SEZ6L: variants seen among roughly 807,000 people sequenced by gnomAD.
SEZ6L encodes the protein seizure 6-like protein.
Under a neutral mutation model 106.2 loss-of-function variants are expected in SEZ6L, and 37 were observed. The observed-to-expected ratio is 0.35, with a 90% CI of 0.27 to 0.46. The LOEUF (loss-of-function observed/expected upper bound fraction) is 0.46, where lower values mean the gene tolerates loss of function less well. Among genes scored for constraint, SEZ6L ranks in the 20% least tolerant of loss-of-function variants. The probability of loss-of-function intolerance (pLI) is 1.00; values close to 1 mark genes in which losing one functional copy is unlikely to be tolerated. For synonymous variants in SEZ6L, 541 were observed against 570.4 expected (o/e 0.95, Z 0.73); for missense variants, 1,172 against 1,332.8 (o/e 0.88, Z 1.88).
chr22:26,173,288 A>G (rs1030935996), intron 1 of SEZ6L, among the ~76,000 whole-genome samples: 1 of 152,228 alleles, frequency 6.6e-6, no homozygotes, highest in Non-Finnish European at 1.5e-5. Context: ...AATCTCTGCG[A>G]TTGGCATGAA....
rs201193157 is a variant in SEZ6L at position 26,294,469 on chromosome 22, G to T, written c.969+44G>T. The T allele has an allele frequency of 3.5e-4, 563 of 1,591,536 alleles. 2 individuals carry two copies. The African/African-American group carries it at 5.7e-3, about 16-fold the overall frequency. On this transcript the variant is annotated intron_variant, in intron 3 of 16. Coordinates refer to ENST00000248933, the MANE Select transcript of SEZ6L (RefSeq NM_021115.5). ...CTCACAGAGGCTGCCTCGTCTAGCA[G>T]GAAGTCTCAGGAGGATTGTCTGAGT...
intron 6 of SEZ6L, among the ~76,000 whole-genome samples, chr22:26,307,660 T>C (rs2081676660): frequency 6.6e-6 from 1 of 151,660 alleles, no homozygotes; most frequent in South Asian, 2.1e-4. Context: ...ACCTGGGGAA[T>C]TCTTTAAAAA....
intron 1 of SEZ6L, chr22:26,241,191 G>A (rs2079118841): frequency 6.6e-6 from 1 of 152,250 alleles, no homozygotes; most frequent in African/African-American, 2.4e-5. Context: ...GCTAGCAAGG[G>A]ACAGCACTTA....
At position 26,238,856 on chromosome 22, in the gene SEZ6L, T is replaced by C. The variant is rs569314714; in HGVS notation, c.95-53550T>C. ...CCCTGCTGGTCACACTAGGCTGCTC[T>C]GCCTCTCGAATAACTAGAACAACAT... On this transcript the variant is annotated intron_variant, in intron 1 of 16. Coordinates refer to ENST00000248933, the MANE Select transcript of SEZ6L (RefSeq NM_021115.5). Among the ~76,000 whole-genome samples the C allele has an allele frequency of 1.1e-4, 17 of 152,338 alleles. No homozygotes were observed. The South Asian group carries it at 3.5e-3, about 32-fold the overall frequency.
intron 1 of SEZ6L, among the ~76,000 whole-genome samples, chr22:26,290,257 C>T (rs1173009279): frequency 1.3e-5 from 2 of 152,146 alleles, no homozygotes; most frequent in African/African-American, 2.4e-5. Context: ...TTGGGCCGGG[C>T]GCGGTGGCTC....
At chr22:26,304,223 G>C (rs2145908112) in intron 5 of SEZ6L, among the ~76,000 whole-genome samples, 1 of 151,950 alleles carries the variant, frequency 6.6e-6, no homozygotes, top group East Asian at 1.9e-4. Flanking sequence ...GCGGTGGTGG[G>C]CACCTGTAAT....
intron 1 of SEZ6L, among the ~76,000 whole-genome samples, chr22:26,281,827 T>C (rs1327896943): frequency 6.6e-6 from 1 of 152,188 alleles, no homozygotes; most frequent in Non-Finnish European, 1.5e-5. Context: ...AACACCATTC[T>C]ACCCTCTGCT....
At chr22:26,234,644 G>C (rs1032981009) in intron 1 of SEZ6L, among the ~76,000 whole-genome samples, 3 of 152,214 alleles carry the variant, frequency 2.0e-5, no homozygotes, top group Non-Finnish European at 4.4e-5. Context: ...CAGAAGGTGG[G>C]GAAACCCAAC....
chr22:26,232,406 A>G (rs1213194105), intron 1 of SEZ6L, among the ~76,000 whole-genome samples: 2 of 148,236 alleles, frequency 1.3e-5, no homozygotes, highest in Non-Finnish European at 3.0e-5. Flanking sequence ...TAAGAGCCCA[A>G]ACTCTGGAAA....
At chr22:26,240,098 A>T (rs926233449) in intron 1 of SEZ6L, among the ~76,000 whole-genome samples, 45 of 149,022 alleles carry the variant, frequency 3.0e-4, no homozygotes, top group East Asian at 5.8e-4. Flanking sequence ...ACACTCACAC[A>T]CACACACACA....
chr22:26,212,366 C>A (rs192953934), intron 1 of SEZ6L, among the ~76,000 whole-genome samples: 14 of 152,320 alleles, frequency 9.2e-5, no homozygotes, highest in African/African-American at 3.4e-4. Context: ...GATTCTATAG[C>A]TAAAATGAGT....
At chr22:26,215,530 C>T (rs1050009844) in intron 1 of SEZ6L, among the ~76,000 whole-genome samples, 8 of 151,950 alleles carry the variant, frequency 5.3e-5, no homozygotes, top group Non-Finnish European at 1.2e-4. Flanking sequence ...AAACAGATCC[C>T]TAATGGAGAC....
chr22:26,171,078 T>C (rs541754183), intron 1 of SEZ6L, among the ~76,000 whole-genome samples: 1 of 152,236 alleles, frequency 6.6e-6, no homozygotes, highest in Admixed American at 6.5e-5. Flanking sequence ...TCAGCATAAA[T>C]CAGGCATTTT....
intron 10 of SEZ6L, among the ~76,000 whole-genome samples, chr22:26,345,381 G>C (rs899594736): frequency 1.3e-5 from 2 of 152,200 alleles, no homozygotes; most frequent in African/African-American, 2.4e-5. Flanking sequence ...AGGTCCCACG[G>C]GAGCGTGCAG....
chr22:26,231,529 G>A (rs1218307369), intron 1 of SEZ6L, among the ~76,000 whole-genome samples: 2 of 152,304 alleles, frequency 1.3e-5, no homozygotes, highest in Non-Finnish European at 2.9e-5. Flanking sequence ...GTACTGCAAG[G>A]AGACCAGCAG....
chr22:26,345,749 A>G (rs558892736), intron 10 of SEZ6L, among the ~76,000 whole-genome samples: 2 of 152,332 alleles, frequency 1.3e-5, no homozygotes, highest in African/African-American at 4.8e-5. Flanking sequence ...TTTCCCCAGA[A>G]GCACATAAGA....
chr22:26,333,827 A>T (rs1270471850), intron 9 of SEZ6L, among the ~76,000 whole-genome samples: 2 of 152,204 alleles, frequency 1.3e-5, no homozygotes, highest in Non-Finnish European at 2.9e-5. Context: ...ATAGTGAATC[A>T]TGGAAGGCTG....
intron 1 of SEZ6L, among the ~76,000 whole-genome samples, chr22:26,268,287 C>T (rs2080252844): frequency 6.6e-6 from 1 of 152,168 alleles, no homozygotes; most frequent in African/African-American, 2.4e-5. Flanking sequence ...CCGGTATGAA[C>T]AGAAAAGTAG....
chr22:26,244,962 G>T (rs917011705), intron 1 of SEZ6L, among the ~76,000 whole-genome samples: 19 of 152,316 alleles, frequency 1.2e-4, no homozygotes, highest in Non-Finnish European at 2.1e-4. Context: ...AGGGTTTTGA[G>T]CAGGGAAATG....
Sources: allele counts gnomAD v4.1 joint callset (sites outside exome capture counted in the v4.1 genomes callset), GRCh38; gene constraint gnomAD v4.1.1; transcripts MANE v1.5; gene names NCBI Gene and HGNC (gene_info 2026-07-23, HGNC 2026-07-21).